Variants in FGF10 observed in about 807,000 individuals in gnomAD.
FGF10 encodes fibroblast growth factor 10, also known as FGF-10.
A neutral mutation model predicts 19.8 loss-of-function variants in FGF10; 2 were observed. That is an observed-to-expected ratio of 0.10 (90% CI 0.04 to 0.32). The LOEUF is 0.32. Among genes scored for constraint, FGF10 ranks in the 10% least tolerant of loss-of-function variants. FGF10 has a pLI of 1.00. For missense variants in FGF10, 191 were observed against 246.3 expected (o/e 0.78, Z 1.50); for synonymous variants, 112 against 94.0 (o/e 1.19, Z -1.10).
At chr5:44,349,795 G>A (rs1326478853) in intron 1 of FGF10, among the ~76,000 whole-genome samples, 1 of 151,116 alleles carries the variant, frequency 6.6e-6, no homozygotes, top group Non-Finnish European at 1.5e-5. Context: ...AAGTTGAGTA[G>A]TTAAGGTCAT....
chr5:44,328,164 A>G (rs1488135823), intron 1 of FGF10, among the ~76,000 whole-genome samples: 1 of 152,174 alleles, frequency 6.6e-6, no homozygotes, highest in Non-Finnish European at 1.5e-5. Flanking sequence ...ACTGCTCATT[A>G]GAATCAACAG....
chr5:44,307,220 G>C (rs17234597), intron 2 of FGF10, among the ~76,000 whole-genome samples: 1 of 151,990 alleles, frequency 6.6e-6, no homozygotes, highest in Non-Finnish European at 1.5e-5. Flanking sequence ...TGGGCCAAAG[G>C]TACCAAATCT....
intron 1 of FGF10, among the ~76,000 whole-genome samples, chr5:44,365,339 C>T (rs113000117): frequency 2.2e-5 from 2 of 90,978 alleles, no homozygotes; most frequent in Non-Finnish European, 4.4e-5. Flanking sequence ...ATTTCATCCT[C>T]AAATAATTTG....
At chr5:44,321,733 T>C (rs917079301) in intron 1 of FGF10, among the ~76,000 whole-genome samples, 2 of 152,138 alleles carry the variant, frequency 1.3e-5, no homozygotes, top group Admixed American at 6.5e-5. Context: ...GTTTGCACAG[T>C]TCTGTGAGGA....
At chr5:44,311,787 A>T (rs1470572434) in intron 1 of FGF10, among the ~76,000 whole-genome samples, 1 of 152,120 alleles carries the variant, frequency 6.6e-6, no homozygotes, top group African/African-American at 2.4e-5. Context: ...AGTTGAGCAT[A>T]TTATCATTTG....
At chr5:44,324,980 T>C (rs969277133) in intron 1 of FGF10, among the ~76,000 whole-genome samples, 2 of 152,236 alleles carry the variant, frequency 1.3e-5, no homozygotes, top group African/African-American at 2.4e-5. Flanking sequence ...TATTCCTTGG[T>C]AAAATTCAAA....
chr5:44,345,024 C>G (rs1741056243), intron 1 of FGF10, among the ~76,000 whole-genome samples: 1 of 151,784 alleles, frequency 6.6e-6, no homozygotes, highest in East Asian at 1.9e-4. Flanking sequence ...TAGAGATTGT[C>G]TGTAACTTAA....
chr5:44,318,148 A>G (rs1293034612), intron 1 of FGF10, among the ~76,000 whole-genome samples: 1 of 152,108 alleles, frequency 6.6e-6, no homozygotes. Context: ...AAGATAACTG[A>G]CTTTTGATCC....
At chr5:44,326,453 C>A (rs886232836) in intron 1 of FGF10, among the ~76,000 whole-genome samples, 2 of 152,064 alleles carry the variant, frequency 1.3e-5, no homozygotes, top group African/African-American at 4.8e-5. Flanking sequence ...TGCTGGAGTG[C>A]AGTTCCATGA....
At chr5:44,378,904 G>A (rs2111912563) in intron 1 of FGF10, among the ~76,000 whole-genome samples, 1 of 152,204 alleles carries the variant, frequency 6.6e-6, no homozygotes, top group Non-Finnish European at 1.5e-5. Flanking sequence ...GTATCCTTTT[G>A]ATTAAGGCTT....
intron 1 of FGF10, among the ~76,000 whole-genome samples, chr5:44,329,118 T>A (rs1740675448): frequency 6.6e-6 from 1 of 152,208 alleles, no homozygotes; most frequent in Non-Finnish European, 1.5e-5. Context: ...GTGCTCTTAC[T>A]GTTAGTAAAT....
intron 1 of FGF10, among the ~76,000 whole-genome samples, chr5:44,318,712 C>G (rs1740413394): frequency 6.6e-6 from 1 of 152,042 alleles, no homozygotes; most frequent in African/African-American, 2.4e-5. Context: ...CAGTAGAAGC[C>G]AACTTACTAC....
chr5:44,323,248 A>G (rs1041068024), intron 1 of FGF10, among the ~76,000 whole-genome samples: 1 of 152,170 alleles, frequency 6.6e-6, no homozygotes, highest in African/African-American at 2.4e-5. Flanking sequence ...ATCACACATC[A>G]TTTCTGACTA....
intron 1 of FGF10, among the ~76,000 whole-genome samples, chr5:44,377,207 C>T (rs894475491): frequency 2.6e-5 from 4 of 152,226 alleles, no homozygotes; most frequent in African/African-American, 7.2e-5. Flanking sequence ...TGATGTCATG[C>T]ATCTCTCCCT....
intron 1 of FGF10, among the ~76,000 whole-genome samples, chr5:44,373,856 T>C (rs936975614): frequency 1.3e-5 from 2 of 152,136 alleles, no homozygotes; most frequent in Non-Finnish European, 2.9e-5. Flanking sequence ...TCAAAATCCA[T>C]CCAGCTTATG....
At chr5:44,383,597 G>C (rs1260895554) in intron 1 of FGF10, among the ~76,000 whole-genome samples, 1 of 152,004 alleles carries the variant, frequency 6.6e-6, no homozygotes, top group East Asian at 1.9e-4. Flanking sequence ...TATAAATCAG[G>C]TTTATGAAGA....
intron 1 of FGF10, among the ~76,000 whole-genome samples, chr5:44,360,321 A>T (rs1579931791): frequency 6.6e-6 from 1 of 151,588 alleles, no homozygotes; most frequent in East Asian, 1.9e-4. Context: ...TGTGTTAATG[A>T]GTTTTCCTAC....
intron 2 of FGF10, among the ~76,000 whole-genome samples, chr5:44,308,597 G>A (rs1016411584): frequency 1.3e-5 from 2 of 151,958 alleles, no homozygotes; most frequent in Non-Finnish European, 2.9e-5. Context: ...ACCCCTAAAT[G>A]GAACCACTTT....
intron 2 of FGF10, among the ~76,000 whole-genome samples, chr5:44,305,628 T>A (rs192998492): frequency 2.0e-5 from 3 of 152,192 alleles, no homozygotes; most frequent in African/African-American, 7.2e-5. Context: ...CTTGTCAAGT[T>A]TGCAAACTTT....
Sources: allele counts gnomAD v4.1 joint callset (sites outside exome capture counted in the v4.1 genomes callset), GRCh38; gene constraint gnomAD v4.1.1; transcripts MANE v1.5; gene names NCBI Gene and HGNC (gene_info 2026-07-23, HGNC 2026-07-21).